Variants in TSGA10 observed in about 807,000 individuals in gnomAD.
TSGA10 encodes the protein testis-specific gene 10 protein.
A neutral mutation model predicts 96.6 loss-of-function variants in TSGA10; 43 were observed. The observed-to-expected ratio is 0.44, with a 90% CI of 0.35 to 0.57. The LOEUF (loss-of-function observed/expected upper bound fraction) is 0.57. Ranked by LOEUF, TSGA10 falls within the 20% of genes least tolerant of loss-of-function variation. The pLI is 0.01. For synonymous variants in TSGA10, 229 were observed against 269.9 expected (o/e 0.85, Z 1.48); for missense variants, 703 against 834.4 (o/e 0.84, Z 1.94).
At chr2:99,073,457 G>A (rs1421245483) in intron 12 of TSGA10, among the ~76,000 whole-genome samples, 1 of 152,096 alleles carries the variant, frequency 6.6e-6, no homozygotes, top group Non-Finnish European at 1.5e-5. Flanking sequence ...TGGTTCTCTT[G>A]CTCACATTCT....
chr2:99,140,709 G>T (rs1035655344), intron 1 of TSGA10, among the ~76,000 whole-genome samples: 1 of 152,134 alleles, frequency 6.6e-6, no homozygotes, highest in Non-Finnish European at 1.5e-5. Flanking sequence ...AGAAATGAGC[G>T]ATCGGGAGTC....
intron 10 of TSGA10, among the ~76,000 whole-genome samples, chr2:99,103,697 T>G (rs1339793705): frequency 1.3e-5 from 2 of 152,238 alleles, no homozygotes; most frequent in African/African-American, 4.8e-5. Context: ...CAGAAGAGCT[T>G]TGTAAAAGCT....
At chr2:99,011,037 C>T (rs988010652) in intron 20 of TSGA10, among the ~76,000 whole-genome samples, 6 of 152,158 alleles carry the variant, frequency 3.9e-5, no homozygotes, top group African/African-American at 1.4e-4. Context: ...ACCATACCCC[C>T]ATCCCCCAAG....
intron 17 of TSGA10, among the ~76,000 whole-genome samples, chr2:99,021,986 A>G (rs907021100): frequency 4.6e-5 from 7 of 152,134 alleles, no homozygotes; most frequent in South Asian, 2.1e-4. Flanking sequence ...ACACAGTTGT[A>G]CAATCGTTAC....
At chr2:99,074,869 A>T (rs1337046894) in intron 12 of TSGA10, among the ~76,000 whole-genome samples, 1 of 152,036 alleles carries the variant, frequency 6.6e-6, no homozygotes, top group Non-Finnish European at 1.5e-5. Context: ...TGAGGCAGGG[A>T]ATCACTTGAA....
chr2:99,011,051 G>A (rs1420307466), intron 20 of TSGA10, among the ~76,000 whole-genome samples: 2 of 152,094 alleles, frequency 1.3e-5, no homozygotes, highest in Non-Finnish European at 2.9e-5. Flanking sequence ...CCCCAAGGTG[G>A]CCGTGGCAAG....
chr2:99,074,375 T>TGTGTGTGTGTGTGTGC (rs1216106717), intron 12 of TSGA10, among the ~76,000 whole-genome samples: 1 of 151,774 alleles, frequency 6.6e-6, no homozygotes, highest in South Asian at 2.1e-4. Context: ...TGTGTGTGTG[T>TGTGTGTGTGTGTGTGC]GCTATCTTCC....
chr2:99,019,677 C>T (rs527335530), intron 18 of TSGA10, among the ~76,000 whole-genome samples: 1 of 152,044 alleles, frequency 6.6e-6, no homozygotes, highest in African/African-American at 2.4e-5. Context: ...GTTAAGGGTC[C>T]CCCATCAGTT....
intron 1 of TSGA10, among the ~76,000 whole-genome samples, chr2:99,149,785 CTTTTTT>C (rs70940143): frequency 2.7e-5 from 3 of 112,456 alleles, no homozygotes; most frequent in Non-Finnish European, 1.7e-5. Context: ...TCACAAGTAT[CTTTTTT>C]TTTTTTTTTT....
At chr2:99,133,494 G>A (rs2093192401) in intron 1 of TSGA10, among the ~76,000 whole-genome samples, 1 of 152,076 alleles carries the variant, frequency 6.6e-6, no homozygotes, top group Non-Finnish European at 1.5e-5. Context: ...CATATGAGAT[G>A]GGTCTCCTGA....
At chr2:99,141,617 A>G (rs1471610560) in intron 1 of TSGA10, 1 of 152,708 alleles carries the variant, frequency 6.5e-6, no homozygotes, top group African/African-American at 2.4e-5. Context: ...TCTCCTAGTA[A>G]CCAGCCGCTA....
At chr2:99,112,605 T>C (rs138687495) in intron 4 of TSGA10, among the ~76,000 whole-genome samples, 37 of 151,836 alleles carry the variant, frequency 2.4e-4, no homozygotes, top group African/African-American at 8.7e-4. Flanking sequence ...CATGTGAAAA[T>C]CTGGGCAAAA....
chr2:99,053,737 A>C lies in TSGA10; in HGVS notation c.1404+11202T>G, dbSNP rs865987156. Among the ~76,000 whole-genome samples the C allele has an allele frequency of 1.1e-4, 17 of 152,346 alleles. 1 individual carries two copies. In the South Asian group the frequency reaches 3.3e-3, roughly 30 times the overall value. ...TCAGTAAATTTTAGGATACAAAATC[A>C]ACATACAAAGATCAGTAGCATTTCT... is the stretch of plus-strand genomic sequence containing the variant. On this transcript the variant is annotated intron_variant, in intron 16 of 20. Coordinates refer to ENST00000393483, the MANE Select transcript of TSGA10 (RefSeq NM_025244.4).
intron 1 of TSGA10, among the ~76,000 whole-genome samples, chr2:99,129,658 C>A (rs1248284392): frequency 6.6e-6 from 1 of 152,182 alleles, no homozygotes; most frequent in Non-Finnish European, 1.5e-5. Flanking sequence ...CATAAATATC[C>A]TCAACCTTGC....
chr2:99,037,601 C>A (rs2081763538), intron 16 of TSGA10, among the ~76,000 whole-genome samples: 1 of 152,082 alleles, frequency 6.6e-6, no homozygotes, highest in South Asian at 2.1e-4. Context: ...GTAATCCTAG[C>A]ACTTTGGGAG....
chr2:99,074,551 G>C lies in TSGA10; in HGVS notation c.883-1478C>G, dbSNP rs894001685. On this transcript the variant is annotated intron_variant, in intron 12 of 20. Coordinates refer to ENST00000393483, the MANE Select transcript of TSGA10 (RefSeq NM_025244.4). ...CCTTCAAGAAGGACAAGCCAACGAA[G>C]GAAAAACTAAAAGACAAAATACTCC... Among the ~76,000 whole-genome samples, 19 of 151,554 alleles carry C rather than the reference G, an allele frequency of 1.3e-4. 1 individual carries two copies. The highest frequency in any genetic ancestry group is 4.6e-4 in the African/African-American group (19 of 41,154).
chr2:99,053,486 C>T (rs939187337), intron 16 of TSGA10, among the ~76,000 whole-genome samples: 9 of 151,994 alleles, frequency 5.9e-5, no homozygotes, highest in Non-Finnish European at 1.2e-4. Flanking sequence ...TGAAAGGCCA[C>T]GTTAACAGAA....
chr2:99,066,530 T>C (rs1470113905), intron 15 of TSGA10, among the ~76,000 whole-genome samples: 1 of 152,144 alleles, frequency 6.6e-6, no homozygotes, highest in Non-Finnish European at 1.5e-5. Context: ...CACCTTGTAT[T>C]TCTCTAAAGC....
Position 99,018,185 on chromosome 2 carries a change from C to T in TSGA10, c.2072+15G>A. ...CTATTTGATCTCAAGAGAATGGATC[C>T]TTAAATAGACTCACTCTTCTAATGA... On this transcript the variant is annotated intron_variant, in intron 20 of 20. Coordinates refer to ENST00000393483, the MANE Select transcript of TSGA10 (RefSeq NM_025244.4). The T allele has an allele frequency of 1.2e-6, 2 of 1,613,368 alleles. No homozygotes were observed. Among genetic ancestry groups the T allele is most frequent in the Non-Finnish European group, 1.7e-6 (2 of 1,179,804 alleles).
Sources: gnomAD v4.1 joint callset for allele counts (sites outside exome capture counted in the v4.1 genomes callset) on GRCh38, gnomAD v4.1.1 for gene constraint, MANE v1.5 for transcripts, NCBI Gene and HGNC (gene_info 2026-07-23, HGNC 2026-07-21) for gene names.